PLBD2: variants seen among roughly 807,000 people sequenced by gnomAD.
PLBD2 encodes the protein putative aminopeptidase PLBD2.
PLBD2 carries 51 observed loss-of-function variants against 68.3 expected under a neutral mutation model. The ratio of observed to expected loss-of-function variants is 0.75; its 90% confidence interval spans 0.60 to 0.94. PLBD2 has a LOEUF of 0.94. Among genes scored for constraint, PLBD2 ranks in the 40% least tolerant of loss-of-function variants. The pLI, the probability that PLBD2 is intolerant of heterozygous loss-of-function variation, is 0.00. For synonymous variants in PLBD2, 314 were observed against 339.3 expected, an observed-to-expected ratio of 0.93 and a Z score of 0.82; for missense variants, 729 against 792.2, an observed-to-expected ratio of 0.92 and a Z score of 0.96.
At position 113,390,183 on chromosome 12, in the gene PLBD2, TACCCACCCATTCATCC is replaced by T. The variant is rs1319993982; in HGVS notation, c.*1568_*1583del. The T allele has an allele frequency of 6.7e-6, 1 of 149,682 alleles. No individual in the cohort carries two copies. The highest frequency in any genetic ancestry group is 1.5e-5 in the Non-Finnish European group (1 of 67,312). 9.3% of individuals were successfully genotyped at this position (149,682 alleles called of 1,614,324 possible). A position where few individuals can be genotyped will look rare whatever the true frequency, so the allele number is the denominator to read the frequency against. Reference sequence around the variant, plus strand: ...TCACCCATCCACCCACCCATTTATCTACCCACCCATTCATCCACCCACCCATCCAACTACCTATCCA... The same window carrying T: ...TCACCCATCCACCCACCCATTTATCTACCCACCCATCCAACTACCTATCCA... On this transcript the variant is annotated 3_prime_UTR_variant, in exon 12 of 12. Coordinates refer to ENST00000280800, the MANE Select transcript of PLBD2 (RefSeq NM_173542.4).
At position 113,374,813 on chromosome 12, in the gene PLBD2, A is replaced by G; in HGVS notation, c.665A>G (p.Asp222Gly). Residue 222 changes from aspartate to glycine, a missense_variant, in exon 5 of 12, where the codon GAC becomes GGC. Transcript: ENST00000280800. ...LGFLLLQLSG[D>G]LEDLELALNK... The stretch of plus-strand genomic sequence containing the variant: ...CTCAGCCTGCTGCAGCTCTCTGGGG[A>G]CCTGGAAGACCTGGAGCTGGCCCTG... The G allele has an allele frequency of 6.2e-7, 1 of 1,613,642 alleles. No homozygotes were observed. The highest frequency in any genetic ancestry group is 8.5e-7 in the Non-Finnish European group (1 of 1,180,008).
chr12:113,389,173 A>G lies in PLBD2; in HGVS notation c.*547A>G. On this transcript the variant is annotated 3_prime_UTR_variant, in exon 12 of 12. Coordinates refer to ENST00000280800, the MANE Select transcript of PLBD2 (RefSeq NM_173542.4). ...CTTTCTGGGCAGCTTCCTTGAGGAC[A>G]GAAACTTGAAAACAAACACAAACCA... The G allele has an allele frequency of 6.5e-6, 1 of 152,832 alleles. No homozygotes were observed. 9.5% of individuals were successfully genotyped at this position (152,832 alleles called of 1,614,324 possible).
intron 5 of PLBD2, among the ~76,000 whole-genome samples, chr12:113,378,417 T>A (rs1957453232): frequency 2.0e-5 from 3 of 152,218 alleles, no homozygotes; most frequent in African/African-American, 7.2e-5. Flanking sequence ...TTTTTTAAAA[T>A]CATAATTAAG....
chr12:113,378,839 C>T (rs1316276927), intron 5 of PLBD2, among the ~76,000 whole-genome samples: 2 of 152,158 alleles, frequency 1.3e-5, no homozygotes, highest in Non-Finnish European at 2.9e-5. Context: ...GCATGCACCC[C>T]CAACCTGGCT....
chr12:113,367,390 A>G (rs1385694757), intron 1 of PLBD2, among the ~76,000 whole-genome samples: 1 of 152,218 alleles, frequency 6.6e-6, no homozygotes, highest in African/African-American at 2.4e-5. Flanking sequence ...TGCTCATTGT[A>G]GAGACTCAGT....
rs371945508 is a variant in PLBD2, at chr12:113,380,851, C to G, written c.957+9C>G. 1.9e-6 allele frequency: 3 copies of G among 1,550,016 alleles called. No homozygotes were observed. The highest frequency in any genetic ancestry group is 1.2e-5 in the South Asian group (1 of 84,122). On this transcript the variant is annotated intron_variant, in intron 6 of 11. Transcript: ENST00000280800. ...TCCTGGGCAGTGGGCTGGTGAGTCCCTTTCTCATGTCTCCTCTGTTCCTGG... is the reference window on the plus strand; with the variant it reads ...TCCTGGGCAGTGGGCTGGTGAGTCCGTTTCTCATGTCTCCTCTGTTCCTGG...
chr12:113,378,576 G>A (rs994259683), intron 5 of PLBD2, among the ~76,000 whole-genome samples: 4 of 151,938 alleles, frequency 2.6e-5, no homozygotes, highest in African/African-American at 7.3e-5. Context: ...TGCCCAGGCT[G>A]GTCACAAACT....
chr12:113,382,857 GTGTGTGTGTGTTT>G (rs1484733809), intron 6 of PLBD2, among the ~76,000 whole-genome samples: 2 of 131,114 alleles, frequency 1.5e-5, no homozygotes, highest in African/African-American at 6.0e-5. Context: ...GTGTGTGTGT[GTGTGTGTGTGTTT>G]TTTTTTTTTT....
intron 1 of PLBD2, among the ~76,000 whole-genome samples, chr12:113,365,678 T>C (rs1372590018): frequency 1.3e-5 from 2 of 152,096 alleles, no homozygotes; most frequent in Non-Finnish European, 2.9e-5. Flanking sequence ...GGGGCTACTG[T>C]AATTCCCTGT....
At chr12:113,382,612 T>G (rs1196851584) in intron 6 of PLBD2, among the ~76,000 whole-genome samples, 1 of 151,792 alleles carries the variant, frequency 6.6e-6, no homozygotes, top group Non-Finnish European at 1.5e-5. Context: ...CCTGGCTAAT[T>G]TTTTTATTTT....
rs115238439 is a variant in PLBD2, at chr12:113,388,695, A to G, written c.*69A>G. On this transcript the variant is annotated 3_prime_UTR_variant, in exon 12 of 12. Coordinates refer to ENST00000280800, the MANE Select transcript of PLBD2 (RefSeq NM_173542.4). ...TCAGGGTCACCCCCGTCCCAAGGCCACCGGACTTCTAACTCCAGCCCCTCC... is the reference window on the plus strand; with the variant it reads ...TCAGGGTCACCCCCGTCCCAAGGCCGCCGGACTTCTAACTCCAGCCCCTCC... The G allele has an allele frequency of 1.4e-3, 2,116 of 1,470,900 alleles. 29 individuals are homozygous for G. The African/African-American group carries it at 0.026, about 18-fold the overall frequency. 91.1% of individuals were successfully genotyped at this position (1,470,900 alleles called of 1,614,324 possible).
chr12:113,388,214 C>T (rs933723708), intron 11 of PLBD2, among the ~76,000 whole-genome samples: 3 of 151,934 alleles, frequency 2.0e-5, no homozygotes, highest in Non-Finnish European at 2.9e-5. Context: ...TGGTGGCGGG[C>T]GTCTGTAATC....
At chr12:113,374,377 G>C (rs1437011211) in intron 3 of PLBD2, 97 bp from the exon 4 acceptor site, 1 of 842,446 alleles carries the variant, frequency 1.2e-6, no homozygotes, top group Non-Finnish European at 1.9e-6. Flanking sequence ...CTCCTGCTCT[G>C]TCTGAACCCC....
At chr12:113,368,751 A>G (rs1407167574) in intron 1 of PLBD2, among the ~76,000 whole-genome samples, 1 of 152,116 alleles carries the variant, frequency 6.6e-6, no homozygotes, top group Non-Finnish European at 1.5e-5. Context: ...TTGTAGGATT[A>G]TAGGGGACTC....
rs1202326233 is a variant in PLBD2, at chr12:113,358,991, CGCCCG to C, written c.290+102_290+106del. Reference sequence around the variant, plus strand: ...GGACCGGCCTCTTGCCGGGTGGGAACGCCCGTTTCTCTGGGGGTCAGCTACTCCCG... The same window carrying C: ...GGACCGGCCTCTTGCCGGGTGGGAACTTTCTCTGGGGGTCAGCTACTCCCG... On this transcript the variant is annotated intron_variant, in intron 1 of 11. Transcript: ENST00000280800. The C allele has an allele frequency of 4.7e-6, 6 of 1,288,294 alleles. No homozygotes were observed. The African/African-American group carries it at 9.5e-5, about 20-fold the overall frequency. The allele number at this position is 1,288,294 out of a possible 1,614,324, so 79.8% of individuals were successfully genotyped here. A position where few individuals can be genotyped will look rare whatever the true frequency, so the allele number is the denominator to read the frequency against.
Position 113,372,350 on chromosome 12 carries a change from A to C in PLBD2, c.385-299A>C, listed in dbSNP as rs572573622. On this transcript the variant is annotated intron_variant, in intron 2 of 11. Transcript: ENST00000280800. This position sits in a 1 kb window ranked among gnomAD's most constrained non-coding sequence, Gnocchi z 4.2. ...AACATAATAGGTGCTCAAAAAAAAA[A>C]CATTCATGGATTGACTAACTGAACA... Among the ~76,000 whole-genome samples, 33 of 152,278 alleles carry C rather than the reference A, an allele frequency of 2.2e-4. No homozygotes were observed. Among genetic ancestry groups the C allele is most frequent in the Middle Eastern group, 3.4e-3 (1 of 294 alleles).
chr12:113,384,768 A>T lies in PLBD2; in HGVS notation c.1119-83A>T. 1 of 1,141,936 alleles carries T rather than the reference A, an allele frequency of 8.8e-7. No individual in the cohort carries two copies. Among genetic ancestry groups the T allele is most frequent in the Non-Finnish European group, 1.3e-6 (1 of 769,970 alleles). 70.7% of individuals were successfully genotyped at this position (1,141,936 alleles called of 1,614,324 possible). ...CCCAGGCCCACTTCCTGTAATTCCT[A>T]GCTGAGTGGGACACTGCAGGGTGGG... On this transcript the variant is annotated intron_variant, in intron 7 of 11. Transcript: ENST00000280800. The surrounding 1 kb of genome is among the most constrained non-coding windows in gnomAD (Gnocchi z 4.2).
rs1004977936 is a variant in PLBD2 at position 113,387,155 on chromosome 12, CT to C, written c.1439+71del. On this transcript the variant is annotated intron_variant, in intron 10 of 11. Coordinates refer to ENST00000280800, the MANE Select transcript of PLBD2 (RefSeq NM_173542.4). ...GCAGGAACACAGAACTTCCTGTGCG[CT>C]TTTTGTACCAACTCATTCAAACTTT... is the stretch of plus-strand genomic sequence containing the variant. 2.0e-6 allele frequency: 3 copies of C among 1,486,592 alleles called. No homozygotes were observed. The African/African-American group carries it at 4.3e-5, about 21-fold the overall frequency. 92.1% of individuals were successfully genotyped at this position (1,486,592 alleles called of 1,614,324 possible). A position where few individuals can be genotyped will look rare whatever the true frequency, so the allele number is the denominator to read the frequency against.
At chr12:113,371,017 C>T (rs1957385062) in intron 2 of PLBD2, among the ~76,000 whole-genome samples, 2 of 152,180 alleles carry the variant, frequency 1.3e-5, no homozygotes, top group African/African-American at 4.8e-5. Flanking sequence ...GATTGTACCA[C>T]TGTACTCCAG....
Sources: gnomAD v4.1 joint callset for allele counts (sites outside exome capture counted in the v4.1 genomes callset) on GRCh38, gnomAD v4.1.1 for gene constraint, Gnocchi (gnomAD v3.1) non-coding constraint, MANE v1.5 for transcripts, NCBI Gene and HGNC (gene_info 2026-07-23, HGNC 2026-07-21) for gene names.